Variants in SLC16A7 observed in about 807,000 individuals in gnomAD.
SLC16A7 encodes the protein monocarboxylate transporter 2.
A neutral mutation model predicts 34.9 loss-of-function variants in SLC16A7; 33 were observed. The observed-to-expected ratio is 0.94, with a 90% confidence interval of 0.72 to 1.26. The LOEUF (loss-of-function observed/expected upper bound fraction) is 1.26, where lower values mean the gene tolerates loss of function less well. Ranked by LOEUF, SLC16A7 falls within the 50% of genes most tolerant of loss-of-function variation. The pLI, the probability that SLC16A7 is intolerant of heterozygous loss-of-function variation, is 0.00. For synonymous variants in SLC16A7, 201 were observed against 206.6 expected, an observed-to-expected ratio of 0.97 and a Z score of 0.23; for missense variants, 573 against 578.1, an observed-to-expected ratio of 0.99 and a Z score of 0.09.
intron 1 of SLC16A7, among the ~76,000 whole-genome samples, chr12:59,619,691 A>G (rs957551653): frequency 6.6e-6 from 1 of 151,968 alleles, no homozygotes; most frequent in South Asian, 2.1e-4. Context: ...TGGGCACTAC[A>G]GTTGTGAGAT....
chr12:59,655,569 T>C (rs1016455371), intron 2 of SLC16A7, among the ~76,000 whole-genome samples: 7 of 151,884 alleles, frequency 4.6e-5, no homozygotes, highest in African/African-American at 1.7e-4. Context: ...AATAGAATTA[T>C]ATTCTATTTT....
rs186632437 is a variant in SLC16A7 at position 59,672,254 on chromosome 12, A to G, written c.-31+17004A>G. Among the ~76,000 whole-genome samples, 155 of 146,448 alleles carry G rather than the reference A, an allele frequency of 1.1e-3. 1 individual carries two copies. Among genetic ancestry groups the G allele is most frequent in the Middle Eastern group, 7.6e-3 (2 of 262 alleles). Reference sequence around the variant, plus strand: ...TGCATATATACGTATATATATGTGTATATATGCATATATACGTATATATAT... The same window carrying G: ...TGCATATATACGTATATATATGTGTGTATATGCATATATACGTATATATAT... On this transcript the variant is annotated intron_variant, in intron 2 of 5. Transcript: ENST00000547379.
At chr12:59,635,386 T>C (rs1880372382) in intron 1 of SLC16A7, among the ~76,000 whole-genome samples, 1 of 152,076 alleles carries the variant, frequency 6.6e-6, no homozygotes, top group Non-Finnish European at 1.5e-5. Context: ...TGAAACAAAT[T>C]CCTCAGTTTT....
chr12:59,668,447 A>G lies in SLC16A7; in HGVS notation c.-31+13197A>G, dbSNP rs569094330. Among the ~76,000 whole-genome samples the G allele has an allele frequency of 1.0e-3, 155 of 152,312 alleles. 2 individuals carry two copies. Among genetic ancestry groups the G allele is most frequent in the Non-Finnish European group, 1.9e-3 (128 of 68,032 alleles). On this transcript the variant is annotated intron_variant, in intron 2 of 5. Transcript: ENST00000547379. ...GATCATTTTGGAACTTTAAGATTTA[A>G]TGACTGCCGTATTGGATTTAGGATG...
chr12:59,681,269 C>T (rs1322531075), intron 2 of SLC16A7, among the ~76,000 whole-genome samples: 3 of 152,218 alleles, frequency 2.0e-5, no homozygotes, highest in African/African-American at 7.2e-5. Flanking sequence ...TGTACCATGT[C>T]ATCCATCTTG....
At chr12:59,731,031 G>T (rs747744684) in intron 3 of SLC16A7, among the ~76,000 whole-genome samples, 1 of 152,092 alleles carries the variant, frequency 6.6e-6, no homozygotes, top group Non-Finnish European at 1.5e-5. Flanking sequence ...TGCCAAGACA[G>T]GTCCTCAATG....
chr12:59,724,907 A>C (rs1876052243), intron 3 of SLC16A7, among the ~76,000 whole-genome samples: 2 of 152,032 alleles, frequency 1.3e-5, no homozygotes, highest in Non-Finnish European at 2.9e-5. Flanking sequence ...TAATAATAGA[A>C]AATTTTTGGT....
At chr12:59,762,818 TTC>T (rs1375478658) in intron 3 of SLC16A7, among the ~76,000 whole-genome samples, 1 of 127,156 alleles carries the variant, frequency 7.9e-6, no homozygotes, top group Non-Finnish European at 1.8e-5. Context: ...GACCACATCT[TTC>T]TCAAAAAAAA....
chr12:59,649,102 C>G (rs1311094478), intron 1 of SLC16A7, among the ~76,000 whole-genome samples: 1 of 152,150 alleles, frequency 6.6e-6, no homozygotes, highest in South Asian at 2.1e-4. Context: ...TTCTGAGCCT[C>G]TATCTTGATC....
intron 1 of SLC16A7, among the ~76,000 whole-genome samples, chr12:59,605,061 C>T (rs1046829910): frequency 2.6e-5 from 4 of 152,138 alleles, no homozygotes; most frequent in Non-Finnish European, 5.9e-5. Context: ...CCATGTTAGC[C>T]AGGATGGTAT....
intron 3 of SLC16A7, among the ~76,000 whole-genome samples, chr12:59,710,260 G>A (rs920709074): frequency 3.3e-5 from 5 of 152,232 alleles, no homozygotes; most frequent in Admixed American, 6.5e-5. Flanking sequence ...AAGACAGAGC[G>A]TGTTCAGAGC....
intron 3 of SLC16A7, among the ~76,000 whole-genome samples, chr12:59,741,472 T>C (rs1355219881): frequency 6.6e-6 from 1 of 152,158 alleles, no homozygotes; most frequent in Non-Finnish European, 1.5e-5. Flanking sequence ...TAGGGTTTCT[T>C]GTAGATGCTC....
intron 2 of SLC16A7, among the ~76,000 whole-genome samples, chr12:59,686,101 T>TC (rs1316100971): frequency 6.7e-6 from 1 of 148,728 alleles, no homozygotes; most frequent in Admixed American, 6.7e-5. Flanking sequence ...TTTTCTTTTT[T>TC]TTTTTTTTTT....
At chr12:59,736,495 G>T (rs896359034) in intron 3 of SLC16A7, among the ~76,000 whole-genome samples, 2 of 152,110 alleles carry the variant, frequency 1.3e-5, no homozygotes, top group African/African-American at 4.8e-5. Context: ...CTTTGGTCAG[G>T]CATCACTCCA....
intron 1 of SLC16A7, among the ~76,000 whole-genome samples, chr12:59,611,764 G>A (rs1879204539): frequency 6.6e-6 from 1 of 152,186 alleles, no homozygotes; most frequent in Admixed American, 6.5e-5. Flanking sequence ...GGCTAAAACA[G>A]AGGGGCTCTG....
intron 3 of SLC16A7, among the ~76,000 whole-genome samples, chr12:59,760,292 T>C (rs1322503330): frequency 6.6e-6 from 1 of 152,080 alleles, no homozygotes; most frequent in African/African-American, 2.4e-5. Context: ...TCAAATTTTA[T>C]TAAGCTTATG....
rs147250116 is a variant in SLC16A7, at chr12:59,658,571, C to G, written c.-31+3321C>G. Among the ~76,000 whole-genome samples, 176 of 152,084 alleles carry G rather than the reference C, an allele frequency of 1.2e-3. 3 individuals are homozygous for G. In the East Asian group the frequency reaches 0.029, roughly 25 times the overall value. On this transcript the variant is annotated intron_variant, in intron 2 of 5. Transcript: ENST00000547379. Reference sequence around the variant, plus strand: ...TTATGTACCAAATACCTTGCTGTGCCTTCTTTGCCTTTCCATGCCTTTCTA... The same window carrying G: ...TTATGTACCAAATACCTTGCTGTGCGTTCTTTGCCTTTCCATGCCTTTCTA...
At chr12:59,649,191 A>G (rs1592433789) in intron 1 of SLC16A7, among the ~76,000 whole-genome samples, 1 of 152,170 alleles carries the variant, frequency 6.6e-6, no homozygotes, top group Admixed American at 6.5e-5. Flanking sequence ...ATGTCTCAGG[A>G]ATAAGGAAGT....
At chr12:59,754,900 T>G (rs1431479470) in intron 3 of SLC16A7, among the ~76,000 whole-genome samples, 1 of 152,138 alleles carries the variant, frequency 6.6e-6, no homozygotes, top group East Asian at 1.9e-4. Flanking sequence ...ATCAAAAAGT[T>G]TATCCACCAT....
Sources: gnomAD v4.1 joint callset for allele counts (sites outside exome capture counted in the v4.1 genomes callset) on GRCh38, gnomAD v4.1.1 for gene constraint, MANE v1.5 for transcripts, NCBI Gene and HGNC (gene_info 2026-07-23, HGNC 2026-07-21) for gene names.